The following EPHA3 variants were observed in gnomAD, a reference collection of about 807,000 sequenced individuals.
The protein encoded by EPHA3 is EPH receptor A3, also known as ephrin type-A receptor 3.
EPHA3 carries 42 observed loss-of-function variants against 107.1 expected under a neutral mutation model. That is an observed-to-expected ratio of 0.39 (90% CI 0.31 to 0.51). The LOEUF (loss-of-function observed/expected upper bound fraction) is 0.51, where lower values mean the gene tolerates loss of function less well. Ranked by LOEUF, EPHA3 falls within the 20% of genes least tolerant of loss-of-function variation. The probability of loss-of-function intolerance (pLI) is 0.78; values close to 1 mark genes in which losing one functional copy is unlikely to be tolerated. For synonymous variants in EPHA3, 461 were observed against 424.8 expected, an observed-to-expected ratio of 1.09 and a Z score of -1.05; for missense variants, 1,183 against 1,211.2, an observed-to-expected ratio of 0.98 and a Z score of 0.35.
At chr3:89,267,468 A>G (rs1264714227) in intron 3 of EPHA3, among the ~76,000 whole-genome samples, 1 of 152,134 alleles carries the variant, frequency 6.6e-6, no homozygotes, top group Non-Finnish European at 1.5e-5. Context: ...TTCTTATTAA[A>G]AAAGAAAGGC....
At chr3:89,176,201 G>A (rs1040088240) in intron 2 of EPHA3, among the ~76,000 whole-genome samples, 5 of 151,994 alleles carry the variant, frequency 3.3e-5, no homozygotes, top group African/African-American at 2.4e-5. Flanking sequence ...TCTTTTTGTG[G>A]CTGGACATGG....
chr3:89,169,504 C>T (rs1705161056), intron 2 of EPHA3, among the ~76,000 whole-genome samples: 1 of 152,084 alleles, frequency 6.6e-6, no homozygotes, highest in Non-Finnish European at 1.5e-5. Flanking sequence ...AAATAAACTG[C>T]TAATAAAATA....
chr3:89,460,796 G>A (rs868259008), intron 15 of EPHA3, among the ~76,000 whole-genome samples: 2,165 of 140,140 alleles, frequency 0.015, 1 homozygote, highest in African/African-American at 0.054. Context: ...CGAATATGCC[G>A]AATACCCAAG....
chr3:89,229,305 A>G (rs1704572348), intron 3 of EPHA3, among the ~76,000 whole-genome samples: 1 of 151,864 alleles, frequency 6.6e-6, no homozygotes, highest in Non-Finnish European at 1.5e-5. Context: ...TTAGCATATA[A>G]CTCAAGTTTG....
intron 2 of EPHA3, among the ~76,000 whole-genome samples, chr3:89,147,999 A>T (rs149022928): frequency 1.3e-5 from 2 of 151,996 alleles, no homozygotes; most frequent in Admixed American, 1.3e-4. Context: ...AAACACCATG[A>T]GAAAGAAAAA....
At chr3:89,334,077 A>G (rs1031116714) in intron 3 of EPHA3, among the ~76,000 whole-genome samples, 3 of 152,316 alleles carry the variant, frequency 2.0e-5, no homozygotes, top group African/African-American at 7.2e-5. Context: ...AAAATTCACA[A>G]ACTTCCAAAC....
chr3:89,136,472 T>C (rs1236533779), intron 2 of EPHA3, among the ~76,000 whole-genome samples: 2 of 150,418 alleles, frequency 1.3e-5, no homozygotes, highest in African/African-American at 4.9e-5. Context: ...AAAAGTAAAA[T>C]GTTTTCTTGG....
At chr3:89,313,098 C>T (rs1706805468) in intron 3 of EPHA3, among the ~76,000 whole-genome samples, 1 of 151,778 alleles carries the variant, frequency 6.6e-6, no homozygotes, top group African/African-American at 2.4e-5. Flanking sequence ...TGGGTATATA[C>T]CCAGATATTA....
At chr3:89,154,121 T>G (rs1398359837) in intron 2 of EPHA3, among the ~76,000 whole-genome samples, 1 of 151,878 alleles carries the variant, frequency 6.6e-6, no homozygotes, top group Non-Finnish European at 1.5e-5. Context: ...TAAATTGCAT[T>G]TACTGTTTTT....
intron 2 of EPHA3, among the ~76,000 whole-genome samples, chr3:89,177,992 C>A (rs1705356034): frequency 6.6e-6 from 1 of 152,108 alleles, no homozygotes; most frequent in African/African-American, 2.4e-5. Context: ...ATAATATCCT[C>A]CAAAGGAACC....
chr3:89,469,764 C>T (rs1289949830), intron 15 of EPHA3, among the ~76,000 whole-genome samples: 1 of 152,132 alleles, frequency 6.6e-6, no homozygotes, highest in African/African-American at 2.4e-5. Context: ...TTTGCTATTT[C>T]ATGCTATTTC....
intron 3 of EPHA3, among the ~76,000 whole-genome samples, chr3:89,235,366 A>C (rs1056185866): frequency 6.6e-6 from 1 of 152,196 alleles, no homozygotes; most frequent in Non-Finnish European, 1.5e-5. Flanking sequence ...ATAACAATCT[A>C]GAGATGTGAG....
At chr3:89,168,434 A>G (rs1705130627) in intron 2 of EPHA3, among the ~76,000 whole-genome samples, 1 of 152,124 alleles carries the variant, frequency 6.6e-6, no homozygotes, top group Admixed American at 6.5e-5. Flanking sequence ...CTCAATCATT[A>G]ATGAGGCTGT....
chr3:89,340,782 C>T, intron 3 of EPHA3, 134 bp from the exon 4 acceptor site: 1 of 894,514 alleles, frequency 1.1e-6, no homozygotes, highest in Non-Finnish European at 1.6e-6. Context: ...CTGTCATTTG[C>T]TTCTGTAAAT....
rs1709939612 is a variant in EPHA3 at position 89,449,277 on chromosome 3, A to T, written c.2399A>T (p.Lys800Met). 1 of 1,612,252 alleles carries T rather than the reference A, an allele frequency of 6.2e-7. No homozygotes were observed. The highest frequency in any genetic ancestry group is 1.7e-5 in the Admixed American group (1 of 59,954). The change falls in exon 14 of 17, where the codon AAG becomes ATG. Residue 800 changes from lysine to methionine, a missense_variant. By Grantham distance (95) the Lys-to-Met change is moderately conservative. Coordinates refer to ENST00000336596, the MANE Select transcript of EPHA3 (RefSeq NM_005233.6). ...TCACCAGAAGCTATAGCCTACCGCA[A>T]GTTCACGTCAGCCAGCGATGTATGG... ...WTSPEAIAYR[K>M]FTSASDVWSY...
At chr3:89,233,559 G>A (rs1344035756) in intron 3 of EPHA3, among the ~76,000 whole-genome samples, 4 of 152,182 alleles carry the variant, frequency 2.6e-5, no homozygotes, top group Non-Finnish European at 4.4e-5. Context: ...TGCACCGGCT[G>A]TTGTTTTTTC....
At chr3:89,417,376 G>A (rs1709269736) in intron 10 of EPHA3, among the ~76,000 whole-genome samples, 1 of 151,456 alleles carries the variant, frequency 6.6e-6, no homozygotes, top group Non-Finnish European at 1.5e-5. Flanking sequence ...TAGAATATGT[G>A]ATGATGACAT....
chr3:89,117,207 A>T lies in EPHA3; in HGVS notation c.88+9371A>T, dbSNP rs1195520456. On this transcript the variant is annotated intron_variant, in intron 1 of 16. Transcript: ENST00000336596. ...GGTTTTTTCAATTAATAGTTAAGAA[A>T]AATAGATGAATAAGATCTAAAGGTC... Among the ~76,000 whole-genome samples, 4 of 152,134 alleles carry T rather than the reference A, an allele frequency of 2.6e-5. No homozygotes were observed. In the East Asian group the frequency reaches 7.7e-4, roughly 29 times the overall value.
intron 3 of EPHA3, among the ~76,000 whole-genome samples, chr3:89,309,714 C>T (rs1400031226): frequency 2.0e-5 from 3 of 151,914 alleles, no homozygotes; most frequent in Non-Finnish European, 4.4e-5. Context: ...TGGTTTCAGG[C>T]CAAACCTATG....
Sources: allele counts gnomAD v4.1 joint callset (sites outside exome capture counted in the v4.1 genomes callset), GRCh38; gene constraint gnomAD v4.1.1; transcripts MANE v1.5; gene names NCBI Gene and HGNC (gene_info 2026-07-23, HGNC 2026-07-21).